The following DOCK9 variants were observed in gnomAD, a reference collection of about 807,000 sequenced individuals.
The protein encoded by DOCK9 is dedicator of cytokinesis protein 9.
In DOCK9, 89 loss-of-function variants were observed where a neutral mutation model predicts 263.3. The observed-to-expected ratio is 0.34, with a 90% CI of 0.28 to 0.40. DOCK9 has a LOEUF of 0.40. Among genes scored for constraint, DOCK9 ranks in the 10% least tolerant of loss-of-function variants. The probability of loss-of-function intolerance (pLI) is 1.00; values close to 1 mark genes in which losing one functional copy is unlikely to be tolerated. For synonymous variants in DOCK9, 976 were observed against 973.1 expected, an observed-to-expected ratio of 1.00 and a Z score of -0.06; for missense variants, 2,140 against 2,603.4, an observed-to-expected ratio of 0.82 and a Z score of 3.87.
chr13:98,849,952 C>T, intron 36 of DOCK9, 95 bp downstream of exon 36: 1 of 870,452 alleles, frequency 1.1e-6, no homozygotes, highest in South Asian at 1.6e-5. Flanking sequence ...ATGTGACATA[C>T]ACTACTCCTC....
At chr13:98,917,245 A>G (rs1030272452) in intron 7 of DOCK9, among the ~76,000 whole-genome samples, 5 of 152,222 alleles carry the variant, frequency 3.3e-5, no homozygotes, top group African/African-American at 1.2e-4. Flanking sequence ...AACAAAAATA[A>G]TTACTTCCTA....
intron 18 of DOCK9, 45 bp downstream of exon 18, chr13:98,888,113 A>AG (rs1175879668): frequency 2.1e-6 from 3 of 1,402,028 alleles, no homozygotes; most frequent in Non-Finnish European, 2.9e-6. Flanking sequence ...TTGAAAATGG[A>AG]AAAATCAGAA....
chr13:98,877,751 C>T (rs972101241), intron 27 of DOCK9, among the ~76,000 whole-genome samples: 1 of 152,232 alleles, frequency 6.6e-6, no homozygotes, highest in Non-Finnish European at 1.5e-5. Flanking sequence ...CCCACCTGAA[C>T]TCCTTGAGGG....
rs188203078 is a variant in DOCK9, at chr13:98,947,785, C to T, written c.243+7650G>A. 3.9e-4 allele frequency among the ~76,000 whole-genome samples: 60 copies of T among 152,232 alleles called. 1 individual carries two copies. The highest frequency in any genetic ancestry group is 3.7e-3 in the Admixed American group (57 of 15,294). The stretch of plus-strand genomic sequence containing the variant: ...CCTCCCAAAGTGCTAGGATTACAGG[C>T]GTGAGCCACTGCACCCGGCCCAGAA... On this transcript the variant is annotated intron_variant, in intron 2 of 52. Transcript: ENST00000682017.
At chr13:99,032,968 C>G (rs1444467214) in intron 1 of DOCK9, among the ~76,000 whole-genome samples, 1 of 152,170 alleles carries the variant, frequency 6.6e-6, no homozygotes, top group Non-Finnish European at 1.5e-5. Flanking sequence ...CACTTAGGAG[C>G]AGATTCCAGT....
intron 1 of DOCK9, among the ~76,000 whole-genome samples, chr13:98,957,521 G>A (rs1005469443): frequency 6.7e-6 from 1 of 149,092 alleles, no homozygotes; most frequent in Admixed American, 6.7e-5. Flanking sequence ...AAGCTATAAA[G>A]TGTTGGTAAC....
At chr13:98,989,358 A>G (rs1359568535) in intron 1 of DOCK9, among the ~76,000 whole-genome samples, 2 of 132,700 alleles carry the variant, frequency 1.5e-5, no homozygotes, top group African/African-American at 5.7e-5. Flanking sequence ...TAATAATAAT[A>G]ATAATAATAA....
chr13:98,888,764 G>T, intron 15 of DOCK9, 53 bp from the exon 16 acceptor site: 2 of 1,465,964 alleles, frequency 1.4e-6, no homozygotes, highest in South Asian at 1.2e-5. Context: ...CTCTAAAACC[G>T]ACACTCTAGA....
chr13:98,805,633 G>C (rs1371950029), intron 48 of DOCK9, among the ~76,000 whole-genome samples: 1 of 152,140 alleles, frequency 6.6e-6, no homozygotes, highest in East Asian at 1.9e-4. Flanking sequence ...TCTCCAGAAT[G>C]TTAGTTATAG....
chr13:98,813,849 C>T (rs2091556390), intron 45 of DOCK9, among the ~76,000 whole-genome samples: 1 of 152,136 alleles, frequency 6.6e-6, no homozygotes, highest in Non-Finnish European at 1.5e-5. Context: ...CCATGTTGGT[C>T]AGGCTGGTCT....
intron 36 of DOCK9, among the ~76,000 whole-genome samples, chr13:98,848,912 G>C (rs942302936): frequency 6.6e-6 from 1 of 152,116 alleles, no homozygotes; most frequent in Non-Finnish European, 1.5e-5. Flanking sequence ...GCCCACGACC[G>C]ACAGGATCGT....
At chr13:99,081,177 G>A (rs1391827562) in intron 1 of DOCK9, among the ~76,000 whole-genome samples, 1 of 152,184 alleles carries the variant, frequency 6.6e-6, no homozygotes, top group Non-Finnish European at 1.5e-5. Context: ...TCAGCTTACT[G>A]ACATCTGATT....
Position 99,015,074 on chromosome 13 carries a change from T to C in DOCK9, c.130-59523A>G, listed in dbSNP as rs146201223. 5.4e-3 allele frequency among the ~76,000 whole-genome samples: 817 copies of C among 152,228 alleles called. 6 individuals are homozygous for C. The highest frequency in any genetic ancestry group is 6.4e-3 in the Non-Finnish European group (436 of 68,032). The stretch of plus-strand genomic sequence containing the variant: ...CCTGGCCAACTAGAAGACTGGAATG[T>C]AAAGGGGCTAAATAATTCACTATAA... On this transcript the variant is annotated intron_variant, in intron 1 of 32. Transcript: ENST00000427887.
chr13:98,946,293 G>A (rs185297987), intron 2 of DOCK9, among the ~76,000 whole-genome samples: 33 of 152,286 alleles, frequency 2.2e-4, no homozygotes, highest in Middle Eastern at 6.8e-3. Flanking sequence ...CTTGAGAGGA[G>A]TCTCTCGCAT....
intron 1 of DOCK9, among the ~76,000 whole-genome samples, chr13:99,038,716 A>G (rs9513540): frequency 0.49 from 74,961 of 151,692 alleles, 18,747 homozygotes; most frequent in East Asian, 0.65. Flanking sequence ...CGTGCCACTT[A>G]TGGCATCTGT....
chr13:98,954,861 G>GAT (rs2057842407), intron 2 of DOCK9, among the ~76,000 whole-genome samples: 1 of 87,378 alleles, frequency 1.1e-5, no homozygotes, highest in African/African-American at 4.2e-5. Context: ...TTTTATTCAA[G>GAT]ATACACACAC....
chr13:98,849,221 G>A (rs2093485707), intron 36 of DOCK9, among the ~76,000 whole-genome samples: 1 of 152,020 alleles, frequency 6.6e-6, no homozygotes, highest in South Asian at 2.1e-4. Flanking sequence ...CTCAGCAGAG[G>A]TCAGGAGACT....
chr13:98,867,921 G>A lies in DOCK9; in HGVS notation c.3174+7C>T, dbSNP rs779336968. 82 of 1,612,072 alleles carry A rather than the reference G, an allele frequency of 5.1e-5. No individual in the cohort carries two copies. In the East Asian group the frequency reaches 5.1e-4, roughly 10 times the overall value. On this transcript the variant is annotated splice_region_variant and intron_variant, in intron 29 of 52. Transcript: ENST00000682017. ...ACTTCTGTTACCAGTAACAACCCCC[G>A]CACTACCTTTGGGTCTCCAGGAGCA...
chr13:98,978,500 G>C (rs1875953281), upstream of DOCK9, among the ~76,000 whole-genome samples: 1 of 152,160 alleles, frequency 6.6e-6, no homozygotes, highest in Admixed American at 6.5e-5. Flanking sequence ...TACAGGTGGA[G>C]GAAATGAGTT....
Sources: allele counts gnomAD v4.1 joint callset (sites outside exome capture counted in the v4.1 genomes callset), GRCh38; gene constraint gnomAD v4.1.1; transcripts MANE v1.5; gene names NCBI Gene and HGNC (gene_info 2026-07-23, HGNC 2026-07-21).